Variants in ABI1 observed in about 807,000 individuals in gnomAD.
ABI1 encodes the protein Abelson interactor 1.
ABI1 carries 14 observed loss-of-function variants against 54.6 expected under a neutral mutation model. That is an observed-to-expected ratio of 0.26 (90% confidence interval 0.17 to 0.40). ABI1 has a LOEUF of 0.40. ABI1 is among the 10% of genes least tolerant of loss of function. The pLI, the probability that ABI1 is intolerant of heterozygous loss-of-function variation, is 1.00. For missense variants in ABI1, 443 were observed against 598.3 expected, an observed-to-expected ratio of 0.74 and a Z score of 2.71; for synonymous variants, 194 against 209.3, an observed-to-expected ratio of 0.93 and a Z score of 0.63.
At chr10:26,800,946 C>A (rs774141762) in intron 2 of ABI1, among the ~76,000 whole-genome samples, 1 of 152,206 alleles carries the variant, frequency 6.6e-6, no homozygotes, top group Non-Finnish European at 1.5e-5. Context: ...GCAGAGGCTG[C>A]GGTGAGCCGA....
In ABI1 at chr10:26,800,023, A is replaced by T. The variant is rs952718917; in HGVS notation, c.286-22782T>A. Among the ~76,000 whole-genome samples, 539 of 142,746 alleles carry T rather than the reference A, an allele frequency of 3.8e-3. 1 individual carries two copies. The highest frequency in any genetic ancestry group is 5.5e-3 in the Non-Finnish European group (356 of 64,600). The allele number at this position is 142,746 out of a possible 152,430, so 93.6% of individuals were successfully genotyped here. On this transcript the variant is annotated intron_variant, in intron 2 of 10. Transcript: ENST00000376140. The stretch of plus-strand genomic sequence containing the variant: ...AAAACGTAAAAAAAAAAAAAAAAAA[A>T]AATTAAGACAGTGGGAGCAGCTTTT...
At chr10:26,792,497 A>T (rs1843600615) in intron 2 of ABI1, among the ~76,000 whole-genome samples, 1 of 152,250 alleles carries the variant, frequency 6.6e-6, no homozygotes, top group Non-Finnish European at 1.5e-5. Flanking sequence ...CTCCGAGATG[A>T]GAGAAAAGCT....
In ABI1 at chr10:26,765,199, A is replaced by G; in HGVS notation, c.820+19T>C. On this transcript the variant is annotated intron_variant, in intron 7 of 10. Coordinates refer to ENST00000376140, the MANE Select transcript of ABI1 (RefSeq NM_001012750.3). ...ATAAATATTATCATGTATTAAACAT[A>G]GATTAATAAATAACACACCTGGTCC... 6.6e-7 allele frequency: 1 copy of G among 1,511,852 alleles called. No homozygotes were observed. The highest frequency in any genetic ancestry group is 1.2e-5 in the South Asian group (1 of 82,638). The allele number at this position is 1,511,852 out of a possible 1,614,324, so 93.7% of individuals were successfully genotyped here.
At chr10:26,782,889 G>A (rs780970467) in intron 2 of ABI1, among the ~76,000 whole-genome samples, 3 of 152,256 alleles carry the variant, frequency 2.0e-5, no homozygotes, top group East Asian at 1.9e-4. Context: ...TGGAGCCCTT[G>A]TGCACTTGCA....
intron 2 of ABI1, among the ~76,000 whole-genome samples, chr10:26,777,493 A>G (rs1295308471): frequency 2.0e-5 from 3 of 152,204 alleles, no homozygotes; most frequent in Non-Finnish European, 2.9e-5. Context: ...ACAATTTGGT[A>G]TGTGGGCCGG....
intron 2 of ABI1, among the ~76,000 whole-genome samples, chr10:26,777,558 C>T (rs530897522): frequency 2.8e-4 from 43 of 152,070 alleles, no homozygotes; most frequent in Admixed American, 9.8e-4. Flanking sequence ...AGGTGGATTG[C>T]TTGAGTTCAG....
intron 1 of ABI1, among the ~76,000 whole-genome samples, chr10:26,838,185 A>G (rs2049230211): frequency 1.3e-5 from 2 of 151,710 alleles, no homozygotes. Flanking sequence ...CACCACACCC[A>G]GCTAATTTTT....
chr10:26,756,617 T>C (rs529869026), intron 8 of ABI1, among the ~76,000 whole-genome samples: 5 of 152,282 alleles, frequency 3.3e-5, no homozygotes, highest in East Asian at 3.9e-4. Flanking sequence ...CAAATACTCA[T>C]GTATTAAAAA....
At chr10:26,764,751 C>A (rs1164085155) in intron 7 of ABI1, among the ~76,000 whole-genome samples, 2 of 152,154 alleles carry the variant, frequency 1.3e-5, no homozygotes, top group African/African-American at 4.8e-5. Context: ...CTAAACAATA[C>A]AGTATAACTA....
chr10:26,775,760 CAAT>C (rs1841323070), intron 3 of ABI1, among the ~76,000 whole-genome samples: 1 of 151,716 alleles, frequency 6.6e-6, no homozygotes, highest in Non-Finnish European at 1.5e-5. Flanking sequence ...ACTACTAAGA[CAAT>C]GACAGAAAAA....
chr10:26,838,507 T>C (rs2049259439), intron 1 of ABI1, among the ~76,000 whole-genome samples: 2 of 152,158 alleles, frequency 1.3e-5, no homozygotes, highest in African/African-American at 2.4e-5. Context: ...TGGGGGAATA[T>C]ACCACAAGGC....
intron 10 of ABI1, 21 bp downstream of exon 10, chr10:26,751,577 A>C: frequency 5.6e-6 from 9 of 1,596,694 alleles, no homozygotes; most frequent in Non-Finnish European, 7.7e-6. Flanking sequence ...CCTTCACATC[A>C]ACTCAATGAC....
In ABI1 at chr10:26,759,112, A is replaced by T. The variant is rs1157240587; in HGVS notation, c.947T>A (p.Phe316Tyr). Residue 316 changes from phenylalanine to tyrosine, a missense_variant, in exon 8 of 11, where the codon TTT (phenylalanine) becomes TAT (tyrosine). Around this residue, in one of 2 missense-constraint regions of ABI1, gnomAD observed 394 missense variants for 484.8 expected, o/e 0.81. Coordinates refer to ENST00000376140, the MANE Select transcript of ABI1 (RefSeq NM_001012750.3). ...TCCATTAACATGAGGCTGAGCAGAA[A>T]ATTGAGCAGTCACAGAGGGAGTTCG... ...YRRTPSVTAQFSAQPHVNGGP... is the reference protein window; with the variant it reads ...YRRTPSVTAQYSAQPHVNGGP... The T allele has an allele frequency of 1.2e-6, 2 of 1,614,130 alleles. No homozygotes were observed. The highest frequency in any genetic ancestry group is 3.3e-5 in the Admixed American group (2 of 60,014).
intron 1 of ABI1, among the ~76,000 whole-genome samples, chr10:26,835,404 G>A (rs986548173): frequency 2.6e-5 from 4 of 151,774 alleles, no homozygotes; most frequent in Non-Finnish European, 4.4e-5. Flanking sequence ...GCAAGACCTC[G>A]TCTCTACAAA....
chr10:26,845,646 A>AAAT (rs1222174466), intron 1 of ABI1, among the ~76,000 whole-genome samples: 1 of 152,062 alleles, frequency 6.6e-6, no homozygotes, highest in South Asian at 2.1e-4. Flanking sequence ...TCTGTCTCAA[A>AAAT]AATAATAATA....
At chr10:26,856,003 T>A (rs2134317491) in intron 1 of ABI1, among the ~76,000 whole-genome samples, 1 of 135,554 alleles carries the variant, frequency 7.4e-6, no homozygotes, top group African/African-American at 2.8e-5. Context: ...AACCCCATTC[T>A]GGGCTGGGCA....
intron 3 of ABI1, among the ~76,000 whole-genome samples, chr10:26,774,651 T>C (rs1841154126): frequency 6.6e-6 from 1 of 152,066 alleles, no homozygotes; most frequent in Non-Finnish European, 1.5e-5. Context: ...TAGCATAAAA[T>C]GCATTAACAC....
At chr10:26,789,709 T>A (rs1476170629) in intron 2 of ABI1, among the ~76,000 whole-genome samples, 3 of 152,194 alleles carry the variant, frequency 2.0e-5, no homozygotes, top group Admixed American at 6.5e-5. Flanking sequence ...GTGTTTGTTG[T>A]ACAGATTATT....
At chr10:26,816,853 T>A (rs1297915474) in intron 2 of ABI1, among the ~76,000 whole-genome samples, 3 of 152,170 alleles carry the variant, frequency 2.0e-5, no homozygotes, top group Admixed American at 6.5e-5. Flanking sequence ...TTTTTTATAA[T>A]CTCCAATAAC....
Sources: allele counts gnomAD v4.1 joint callset (sites outside exome capture counted in the v4.1 genomes callset), GRCh38; gene constraint gnomAD v4.1.1; regional missense constraint gnomAD v4.1.1; transcripts MANE v1.5; gene names NCBI Gene and HGNC (gene_info 2026-07-23, HGNC 2026-07-21).